Variants in IMMP2L observed in about 807,000 individuals in gnomAD.
IMMP2L encodes the protein inner mitochondrial membrane peptidase subunit 2, also known as mitochondrial inner membrane protease subunit 2.
A neutral mutation model predicts 19.3 loss-of-function variants in IMMP2L; 18 were observed. The ratio of observed to expected loss-of-function variants is 0.93; its 90% confidence interval spans 0.64 to 1.38. The LOEUF is 1.38. IMMP2L is among the 40% of genes most tolerant of loss of function. IMMP2L has a pLI of 0.00. For synonymous variants in IMMP2L, 76 were observed against 73.0 expected (o/e 1.04, Z -0.21); for missense variants, 233 against 218.2 (o/e 1.07, Z -0.43).
intron 3 of IMMP2L, among the ~76,000 whole-genome samples, chr7:111,160,332 C>G (rs2129606370): frequency 6.6e-6 from 1 of 152,152 alleles, no homozygotes; most frequent in East Asian, 1.9e-4. Flanking sequence ...ATCCCACTAA[C>G]AAACCTTTGA....
At chr7:111,392,163 T>TG in intron 3 of IMMP2L, 1 of 603,942 alleles carries the variant, frequency 1.7e-6, no homozygotes, top group Non-Finnish European at 3.0e-6. Flanking sequence ...CAAAGTCACA[T>TG]GGGCAATCAC....
chr7:111,452,481 ATC>A lies in IMMP2L; in HGVS notation c.239+34755_239+34756del, dbSNP rs144759649. 4.9e-4 allele frequency among the ~76,000 whole-genome samples: 74 copies of A among 152,280 alleles called. 1 individual carries two copies. In the East Asian group the frequency reaches 7.9e-3, roughly 16 times the overall value. Reference sequence around the variant, plus strand: ...AAGATTTATTTCCAATAAATTATATATCTCTGTTTTAGAACTCTGATAATTTG... The same window carrying A: ...AAGATTTATTTCCAATAAATTATATATCTGTTTTAGAACTCTGATAATTTG... On this transcript the variant is annotated intron_variant, in intron 3 of 5. Transcript: ENST00000405709.
rs1218628684 is a variant in IMMP2L at position 110,727,705 on chromosome 7, A to C, written c.409-63984T>G. Among the ~76,000 whole-genome samples, 3 of 152,240 alleles carry C rather than the reference A, an allele frequency of 2.0e-5. No homozygotes were observed. Among genetic ancestry groups the C allele is most frequent in the Non-Finnish European group, 4.4e-5 (3 of 68,046 alleles). ...AAATATAACATGAGCTAGATATTTA[A>C]ATTATTAAATTGAATCCGTATTCTT... On this transcript the variant is annotated intron_variant, in intron 5 of 5. Transcript: ENST00000405709. The surrounding 1 kb of genome is among the most constrained non-coding windows in gnomAD (Gnocchi z 4.3).
chr7:111,292,504 T>C (rs964010256), intron 3 of IMMP2L, among the ~76,000 whole-genome samples: 8 of 150,468 alleles, frequency 5.3e-5, no homozygotes, highest in African/African-American at 1.9e-4. Context: ...CTTGCCATGA[T>C]TTTTTTTTTG....
intron 3 of IMMP2L, among the ~76,000 whole-genome samples, chr7:111,312,733 G>A (rs570418947): frequency 3.4e-4 from 51 of 152,108 alleles, no homozygotes; most frequent in African/African-American, 1.1e-3. Flanking sequence ...TGCATGGAAC[G>A]GCAATTTTCC....
intron 4 of IMMP2L, among the ~76,000 whole-genome samples, chr7:110,935,313 T>C (rs1368624864): frequency 6.6e-6 from 1 of 152,168 alleles, no homozygotes; most frequent in Non-Finnish European, 1.5e-5. Flanking sequence ...TTAAGAATGT[T>C]GAATATTGTC....
intron 3 of IMMP2L, among the ~76,000 whole-genome samples, chr7:111,120,104 C>T (rs918248302): frequency 6.6e-6 from 1 of 152,106 alleles, no homozygotes; most frequent in East Asian, 1.9e-4. Context: ...AGAAGGATCT[C>T]CATATATCAA....
At chr7:111,311,613 CTCATT>C in intron 3 of IMMP2L, among the ~76,000 whole-genome samples, 1 of 152,192 alleles carries the variant, frequency 6.6e-6, no homozygotes, top group African/African-American at 2.4e-5. Context: ...TACAGTTGCC[CTCATT>C]TCATTTAAGG....
intron 3 of IMMP2L, among the ~76,000 whole-genome samples, chr7:111,323,257 T>C (rs540752331): frequency 6.6e-6 from 1 of 152,074 alleles, no homozygotes; most frequent in Non-Finnish European, 1.5e-5. Flanking sequence ...AAAGGGCTAA[T>C]ATCCAGAATC....
intron 5 of IMMP2L, among the ~76,000 whole-genome samples, chr7:110,699,000 C>T (rs1160427367): frequency 2.0e-5 from 3 of 152,096 alleles, no homozygotes; most frequent in African/African-American, 4.8e-5. Flanking sequence ...CAGCTGTCAG[C>T]GGAGTGTCAA....
chr7:111,007,492 C>T (rs375894483), intron 3 of IMMP2L, among the ~76,000 whole-genome samples: 1 of 152,088 alleles, frequency 6.6e-6, no homozygotes, highest in Non-Finnish European at 1.5e-5. Flanking sequence ...CTTGCCTCAT[C>T]AGCTGTACCT....
chr7:111,432,038 C>A (rs987136008), intron 3 of IMMP2L, among the ~76,000 whole-genome samples: 1 of 151,762 alleles, frequency 6.6e-6, no homozygotes, highest in Admixed American at 6.6e-5. Context: ...GTCATGGGAA[C>A]TGCAACTTGA....
intron 3 of IMMP2L, among the ~76,000 whole-genome samples, chr7:111,205,121 C>T (rs1299063352): frequency 6.6e-6 from 1 of 152,134 alleles, no homozygotes; most frequent in African/African-American, 2.4e-5. Context: ...ACACAAGGGA[C>T]AACACTGTGT....
At chr7:110,972,856 T>C (rs942172745) in intron 3 of IMMP2L, among the ~76,000 whole-genome samples, 3 of 152,062 alleles carry the variant, frequency 2.0e-5, no homozygotes, top group Non-Finnish European at 4.4e-5. Flanking sequence ...GTTGCTATGT[T>C]AGGGTTCTAC....
intron 3 of IMMP2L, among the ~76,000 whole-genome samples, chr7:111,354,439 G>C (rs1183094884): frequency 1.3e-5 from 2 of 151,720 alleles, no homozygotes; most frequent in Admixed American, 1.3e-4. Flanking sequence ...ACTGGAAATA[G>C]ACAGGAAAAA....
intron 3 of IMMP2L, among the ~76,000 whole-genome samples, chr7:111,386,962 T>C (rs1831822553): frequency 6.6e-6 from 1 of 152,166 alleles, no homozygotes; most frequent in Non-Finnish European, 1.5e-5. Flanking sequence ...ATACCATAAG[T>C]TTCTATCTCA....
chr7:111,401,657 C>G (rs1246538468), intron 3 of IMMP2L, among the ~76,000 whole-genome samples: 1 of 152,040 alleles, frequency 6.6e-6, no homozygotes, highest in African/African-American at 2.4e-5. Flanking sequence ...TCAAGAGGTT[C>G]TTTAAATATT....
chr7:111,533,359 CT>C (rs1170548657), intron 1 of IMMP2L, among the ~76,000 whole-genome samples: 1 of 152,190 alleles, frequency 6.6e-6, no homozygotes, highest in Non-Finnish European at 1.5e-5. Flanking sequence ...ATTTCATCAA[CT>C]GTGGCTAGAG....
chr7:111,127,552 A>C (rs1801438744), intron 3 of IMMP2L, among the ~76,000 whole-genome samples: 1 of 152,178 alleles, frequency 6.6e-6, no homozygotes, highest in African/African-American at 2.4e-5. Context: ...CTTAAATTTT[A>C]ATATAAATTT....
Sources: allele counts gnomAD v4.1 joint callset (sites outside exome capture counted in the v4.1 genomes callset), GRCh38; gene constraint gnomAD v4.1.1; non-coding constraint Gnocchi (gnomAD v3.1); transcripts MANE v1.5; gene names NCBI Gene and HGNC (gene_info 2026-07-23, HGNC 2026-07-21).